Variants in PJA2 observed in about 807,000 individuals in gnomAD.
PJA2 encodes the protein E3 ubiquitin-protein ligase Praja-2.
Under a neutral mutation model 69.3 loss-of-function variants are expected in PJA2, and 25 were observed. The observed-to-expected ratio is 0.36, with a 90% CI of 0.26 to 0.50. The LOEUF (loss-of-function observed/expected upper bound fraction) is 0.50, where lower values mean the gene tolerates loss of function less well. PJA2 is among the 20% of genes least tolerant of loss of function. The pLI is 0.96. For missense variants in PJA2, 809 were observed against 830.2 expected (o/e 0.97, Z 0.31); for synonymous variants, 308 against 277.8 (o/e 1.11, Z -1.08).
chr5:109,359,118 G>T (rs980719471), intron 6 of PJA2, among the ~76,000 whole-genome samples: 36 of 152,058 alleles, frequency 2.4e-4, no homozygotes, highest in Non-Finnish European at 1.5e-5. Flanking sequence ...CAAGGATGAA[G>T]ATCTTTATGA....
At chr5:109,405,665 C>G (rs1444926502) in intron 1 of PJA2, among the ~76,000 whole-genome samples, 1 of 152,136 alleles carries the variant, frequency 6.6e-6, no homozygotes, top group Admixed American at 6.5e-5. Flanking sequence ...ACAAATGGTG[C>G]TAGAACTACA....
rs1761962425 is a variant in PJA2 at position 109,337,225 on chromosome 5, C to G, written c.*6G>C. ...GATACACTGATCTCATTTCAACTGT[C>G]AAGGTTTAGGGTGCTTCTGCAATAC... is the stretch of plus-strand genomic sequence containing the variant. On this transcript the variant is annotated 3_prime_UTR_variant, in exon 10 of 10. Coordinates refer to ENST00000361189, the MANE Select transcript of PJA2 (RefSeq NM_014819.5). 6 of 1,612,590 alleles carry G rather than the reference C, an allele frequency of 3.7e-6. No individual in the cohort carries two copies. Among genetic ancestry groups the G allele is most frequent in the Non-Finnish European group, 5.1e-6 (6 of 1,179,550 alleles).
chr5:109,355,851 CT>C (rs1019825108), intron 7 of PJA2, 63 bp downstream of exon 7: 1 of 1,190,284 alleles, frequency 8.4e-7, no homozygotes. Flanking sequence ...CTAAAAATCC[CT>C]TTAAACCTTT....
At chr5:109,398,968 T>C (rs937118980) in intron 1 of PJA2, among the ~76,000 whole-genome samples, 1 of 151,806 alleles carries the variant, frequency 6.6e-6, no homozygotes, top group African/African-American at 2.4e-5. Flanking sequence ...TCCCAGCACT[T>C]TGGGAGGCCA....
chr5:109,405,360 T>C (rs1437195994), intron 1 of PJA2, among the ~76,000 whole-genome samples: 3 of 152,244 alleles, frequency 2.0e-5, no homozygotes, highest in African/African-American at 4.8e-5. Context: ...AATTGATCTA[T>C]GCATTCGACA....
rs148793577 is a variant in PJA2, at chr5:109,378,473, C to T, written c.1014G>A (p.Ala338=). ...TCCATCTTTGAACACTTCTTTGTTT[C>T]GCCTCATGCCTATTAAAACCTGTTT... The part of the protein sequence containing the change: ...DQETGFNRHE[A]KQRSVQRWRE... Residue 338 remains alanine (A), a synonymous_variant, in exon 4 of 10, where the codon GCG becomes GCA. Coordinates refer to ENST00000361189, the MANE Select transcript of PJA2 (RefSeq NM_014819.5). 131 of 1,614,162 alleles carry T rather than the reference C, an allele frequency of 8.1e-5. No homozygotes were observed. The highest frequency in any genetic ancestry group is 4.9e-4 in the Middle Eastern group (3 of 6,062).
intron 6 of PJA2, among the ~76,000 whole-genome samples, chr5:109,360,140 C>T (rs1473798609): frequency 2.0e-5 from 3 of 152,056 alleles, no homozygotes; most frequent in East Asian, 3.9e-4. Flanking sequence ...TTCTATTAAG[C>T]CACAGTTATA....
At chr5:109,409,101 G>C (rs937472342) in intron 1 of PJA2, 15 of 152,198 alleles carry the variant, frequency 9.9e-5, no homozygotes, top group Middle Eastern at 3.4e-3. Flanking sequence ...CTTGGTCTGA[G>C]CGTCTTTAAC....
intron 3 of PJA2, 36 bp downstream of exon 3, chr5:109,381,466 AC>A (rs1435476721): frequency 1.9e-6 from 3 of 1,556,598 alleles, no homozygotes; most frequent in Non-Finnish European, 2.6e-6. Context: ...TTCCTATATA[AC>A]TATTAATAAC....
At chr5:109,404,246 C>T (rs539103964) in intron 1 of PJA2, among the ~76,000 whole-genome samples, 12 of 151,748 alleles carry the variant, frequency 7.9e-5, no homozygotes, top group East Asian at 2.0e-4. Context: ...CTCGGCTGGG[C>T]GCGGTGGCTC....
At chr5:109,383,364 A>G in intron 2 of PJA2, 39 bp downstream of exon 2, 1 of 1,600,886 alleles carries the variant, frequency 6.2e-7, no homozygotes, top group Non-Finnish European at 8.5e-7. Context: ...AGAGGAAAAA[A>G]CAAGAAGTAC....
chr5:109,342,315 C>T (rs1390948912), intron 9 of PJA2, among the ~76,000 whole-genome samples: 15 of 112,054 alleles, frequency 1.3e-4, no homozygotes, highest in East Asian at 2.7e-4. Context: ...CCGCCCTGTC[C>T]GGGAGGGAGG....
At chr5:109,354,927 T>A (rs1412308614) in intron 7 of PJA2, among the ~76,000 whole-genome samples, 1 of 151,568 alleles carries the variant, frequency 6.6e-6, no homozygotes, top group Non-Finnish European at 1.5e-5. Context: ...CCAGCCTGGG[T>A]AACATAATTG....
rs1761932240 is a variant in PJA2, at chr5:109,336,010, A to T, written c.*1221T>A. ...CAGTGAAAATTCATTTATTTTTAAG[A>T]ATGAAAAAAGGAGACGGGATATAAA... On this transcript the variant is annotated 3_prime_UTR_variant, in exon 10 of 10. Coordinates refer to ENST00000361189, the MANE Select transcript of PJA2 (RefSeq NM_014819.5). 6.6e-6 allele frequency: 1 copy of T among 152,634 alleles called. No individual in the cohort carries two copies. Among genetic ancestry groups the T allele is most frequent in the Non-Finnish European group, 1.5e-5 (1 of 68,028 alleles). The allele number at this position is 152,634 out of a possible 1,614,324, so 9.5% of individuals were successfully genotyped here. A position where few individuals can be genotyped will look rare whatever the true frequency, so the allele number is the denominator to read the frequency against.
Position 109,356,909 on chromosome 5 carries a change from C to T in PJA2, c.1653-883G>A, listed in dbSNP as rs138313788. Among the ~76,000 whole-genome samples the T allele has an allele frequency of 8.8e-4, 134 of 152,202 alleles. 2 individuals carry two copies. Among genetic ancestry groups the T allele is most frequent in the African/African-American group, 3.1e-3 (128 of 41,540 alleles). ...ACATGTCTCACTTTGGTCCTACTCT[C>T]CTTCCTCCACCCCTGAACATATCGA... On this transcript the variant is annotated intron_variant, in intron 6 of 9. Transcript: ENST00000361189.
intron 9 of PJA2, among the ~76,000 whole-genome samples, chr5:109,339,071 A>G (rs1239500293): frequency 6.6e-6 from 1 of 152,134 alleles, no homozygotes; most frequent in Non-Finnish European, 1.5e-5. Context: ...GCAAATGCAT[A>G]GAAACATGAG....
chr5:109,337,437 C>T, intron 9 of PJA2, 81 bp from the exon 10 acceptor site: 1 of 1,433,462 alleles, frequency 7.0e-7, no homozygotes, highest in Non-Finnish European at 9.3e-7. Flanking sequence ...AAAACAGTGT[C>T]ATTATCCTAA....
intron 4 of PJA2, among the ~76,000 whole-genome samples, chr5:109,374,206 T>C (rs908040295): frequency 3.9e-5 from 6 of 152,224 alleles, no homozygotes; most frequent in South Asian, 2.1e-4. Flanking sequence ...TCTTTTTCCT[T>C]AGTATCAGGT....
intron 4 of PJA2, among the ~76,000 whole-genome samples, chr5:109,369,121 C>A (rs1370269565): frequency 2.0e-5 from 3 of 152,146 alleles, no homozygotes; most frequent in Admixed American, 1.3e-4. Flanking sequence ...GAAGCAGAAG[C>A]CACTATGCTT....
Sources: gnomAD v4.1 joint callset for allele counts (sites outside exome capture counted in the v4.1 genomes callset) on GRCh38, gnomAD v4.1.1 for gene constraint, MANE v1.5 for transcripts, NCBI Gene and HGNC (gene_info 2026-07-23, HGNC 2026-07-21) for gene names.